The following MCTP2 variants were observed in gnomAD, a reference collection of about 807,000 sequenced individuals.
The protein encoded by MCTP2 is multiple C2 and transmembrane domain containing 2.
In MCTP2, 132 loss-of-function variants were observed where a neutral mutation model predicts 111.6. The observed-to-expected ratio is 1.18, with a 90% confidence interval of 1.03 to 1.37. The LOEUF (loss-of-function observed/expected upper bound fraction) is 1.37, where lower values mean the gene tolerates loss of function less well. Ranked by LOEUF, MCTP2 falls within the 40% of genes most tolerant of loss-of-function variation. The pLI, the probability that MCTP2 is intolerant of heterozygous loss-of-function variation, is 0.00. For synonymous variants in MCTP2, 395 were observed against 387.7 expected (o/e 1.02, Z -0.22); for missense variants, 1,183 against 1,067.9 (o/e 1.11, Z -1.50).
Position 94,421,034 on chromosome 15 carries a change from T to C in MCTP2, c.2085+19015T>C, listed in dbSNP as rs184602635. ...CCTGATCAGTCATCAGCCATCAACA[T>C]TGAGGCAAAACCCTCCACCAGCAAA... On this transcript the variant is annotated intron_variant, in intron 17 of 22. Transcript: ENST00000357742. Among the ~76,000 whole-genome samples the C allele has an allele frequency of 9.6e-4, 145 of 151,708 alleles. 1 individual carries two copies. The highest frequency in any genetic ancestry group is 3.4e-3 in the African/African-American group (141 of 41,370).
intron 17 of MCTP2, among the ~76,000 whole-genome samples, chr15:94,433,218 A>G (rs1451281429): frequency 6.6e-6 from 1 of 152,196 alleles, no homozygotes; most frequent in Non-Finnish European, 1.5e-5. Context: ...TCTTTTCATG[A>G]GTCATGTTCT....
chr15:94,305,999 G>A (rs1371708430), intron 2 of MCTP2, among the ~76,000 whole-genome samples: 2 of 152,052 alleles, frequency 1.3e-5, no homozygotes, highest in South Asian at 2.1e-4. Context: ...AATGCATACG[G>A]TCTATTCTGG....
chr15:94,325,018 C>T (rs1022755070), intron 4 of MCTP2, among the ~76,000 whole-genome samples: 7 of 152,306 alleles, frequency 4.6e-5, no homozygotes, highest in Admixed American at 3.9e-4. Flanking sequence ...TTCATTCTGG[C>T]AGCCCTCTGG....
chr15:94,468,029 A>G (rs904334923), intron 20 of MCTP2, among the ~76,000 whole-genome samples: 1 of 151,670 alleles, frequency 6.6e-6, no homozygotes, highest in South Asian at 2.1e-4. Context: ...ACAAGGAAAA[A>G]CTGATAAATT....
chr15:94,297,864 T>G (rs1428994015), intron 1 of MCTP2, among the ~76,000 whole-genome samples: 1 of 152,158 alleles, frequency 6.6e-6, no homozygotes, highest in Non-Finnish European at 1.5e-5. Flanking sequence ...GTTGGTGTTC[T>G]CGTGAATGTC....
chr15:94,416,392 G>A (rs2082381236), intron 17 of MCTP2, among the ~76,000 whole-genome samples: 1 of 152,110 alleles, frequency 6.6e-6, no homozygotes, highest in Non-Finnish European at 1.5e-5. Flanking sequence ...ACTCTGAGCA[G>A]ATGACGGGAA....
intron 7 of MCTP2, chr15:94,343,054 A>G (rs2077748757): frequency 8.5e-6 from 1 of 117,252 alleles, no homozygotes; most frequent in Non-Finnish European, 2.0e-5. Flanking sequence ...ACATGTATAT[A>G]TATAACATAT....
chr15:94,352,228 A>G lies in MCTP2; in HGVS notation c.1006-3909A>G, dbSNP rs561612848. On this transcript the variant is annotated intron_variant, in intron 8 of 22. Coordinates refer to ENST00000357742, the MANE Select transcript of MCTP2 (RefSeq NM_001385001.1). ...CTGGGTATAATTTTAGTCCCACCGC[A>G]AAGTTTCTCCCCTTCCTGCCTCGGG... Among the ~76,000 whole-genome samples the G allele has an allele frequency of 2.0e-5, 3 of 152,348 alleles. No homozygotes were observed. The East Asian group carries it at 5.8e-4, about 29-fold the overall frequency.
At chr15:94,381,270 G>A (rs1259218040) in intron 12 of MCTP2, among the ~76,000 whole-genome samples, 1 of 152,212 alleles carries the variant, frequency 6.6e-6, no homozygotes, top group African/African-American at 2.4e-5. Context: ...TCCATAAAAT[G>A]TGCATAAATT....
At chr15:94,248,475 T>G (rs113995948) in intron 1 of MCTP2, among the ~76,000 whole-genome samples, 2,416 of 152,328 alleles carry the variant, frequency 0.016, 55 homozygotes, top group African/African-American at 0.054. Context: ...CTTCTGTGTT[T>G]ACTTTCCAAT....
intron 1 of MCTP2, among the ~76,000 whole-genome samples, chr15:94,265,729 G>A (rs1442498266): frequency 6.6e-6 from 1 of 152,014 alleles, no homozygotes; most frequent in Admixed American, 6.5e-5. Context: ...TTATCTTAAT[G>A]AAGCCTTTTT....
chr15:94,327,087 A>G (rs1399326301), intron 4 of MCTP2, among the ~76,000 whole-genome samples: 2 of 152,102 alleles, frequency 1.3e-5, no homozygotes, highest in Non-Finnish European at 2.9e-5. Flanking sequence ...GATTGTGTTT[A>G]TAAAGTTTTT....
intron 19 of MCTP2, among the ~76,000 whole-genome samples, chr15:94,445,591 C>G (rs1317291134): frequency 6.6e-6 from 1 of 152,154 alleles, no homozygotes; most frequent in East Asian, 1.9e-4. Flanking sequence ...TTGGTTTCTT[C>G]TCTGTGCAGA....
At chr15:94,417,341 A>G (rs2082420845) in intron 17 of MCTP2, among the ~76,000 whole-genome samples, 2 of 152,158 alleles carry the variant, frequency 1.3e-5, no homozygotes, top group Non-Finnish European at 2.9e-5. Context: ...ATTTAGAAGC[A>G]TCTTTAAATG....
At chr15:94,300,003 C>T (rs1377538173) in intron 2 of MCTP2, among the ~76,000 whole-genome samples, 1 of 152,100 alleles carries the variant, frequency 6.6e-6, no homozygotes, top group Non-Finnish European at 1.5e-5. Flanking sequence ...ATTTGAAATA[C>T]ATGTTTCTTT....
chr15:94,324,375 T>A (rs1296183131), intron 4 of MCTP2, among the ~76,000 whole-genome samples: 1 of 152,240 alleles, frequency 6.6e-6, no homozygotes, highest in Non-Finnish European at 1.5e-5. Context: ...TTTACCACTG[T>A]GGGCTGAGGG....
chr15:94,434,699 A>G (rs778805413), intron 17 of MCTP2, among the ~76,000 whole-genome samples: 1 of 152,162 alleles, frequency 6.6e-6, no homozygotes, highest in Non-Finnish European at 1.5e-5. Flanking sequence ...TCTGGACTCT[A>G]TCTTCTACTC....
intron 7 of MCTP2, among the ~76,000 whole-genome samples, chr15:94,344,731 ACAT>A (rs1450717190): frequency 6.6e-6 from 1 of 152,218 alleles, no homozygotes; most frequent in Non-Finnish European, 1.5e-5. Flanking sequence ...GGAAACCTAA[ACAT>A]CAACTATCAG....
At chr15:94,268,677 T>A (rs2073737411) in intron 1 of MCTP2, among the ~76,000 whole-genome samples, 2 of 152,156 alleles carry the variant, frequency 1.3e-5, no homozygotes, top group South Asian at 4.1e-4. Flanking sequence ...ACTGCCTTGC[T>A]ATCCATGAAT....
Sources: allele counts gnomAD v4.1 joint callset (sites outside exome capture counted in the v4.1 genomes callset), GRCh38; gene constraint gnomAD v4.1.1; transcripts MANE v1.5; gene names NCBI Gene and HGNC (gene_info 2026-07-23, HGNC 2026-07-21).